The following GRM7 variants were observed in gnomAD, a reference collection of about 807,000 sequenced individuals.
GRM7 encodes metabotropic glutamate receptor 7.
GRM7 carries 35 observed loss-of-function variants against 84.5 expected under a neutral mutation model. The ratio of observed to expected loss-of-function variants is 0.41; its 90% CI spans 0.32 to 0.55. The LOEUF (loss-of-function observed/expected upper bound fraction) is 0.55, where lower values mean the gene tolerates loss of function less well. Ranked by LOEUF, GRM7 falls within the 20% of genes least tolerant of loss-of-function variation. The pLI, the probability that GRM7 is intolerant of heterozygous loss-of-function variation, is 0.19. For synonymous variants in GRM7, 487 were observed against 455.1 expected (o/e 1.07, Z -0.89); for missense variants, 1,003 against 1,194.6 (o/e 0.84, Z 2.36).
At chr3:7,000,682 G>A (rs1694983783) in intron 1 of GRM7, among the ~76,000 whole-genome samples, 1 of 152,176 alleles carries the variant, frequency 6.6e-6, no homozygotes, top group South Asian at 2.1e-4. Context: ...ATGTCAGCAT[G>A]TGTGGACTGA....
At chr3:6,933,768 TA>T (rs1443480618) in intron 1 of GRM7, among the ~76,000 whole-genome samples, 1 of 137,242 alleles carries the variant, frequency 7.3e-6, no homozygotes, top group Non-Finnish European at 1.7e-5. Context: ...CATTGCCAGT[TA>T]TTCTGAGTCA....
intron 4 of GRM7, among the ~76,000 whole-genome samples, chr3:7,329,099 A>G (rs1366735094): frequency 6.6e-6 from 1 of 151,510 alleles, no homozygotes; most frequent in Non-Finnish European, 1.5e-5. Flanking sequence ...CTGTGACATT[A>G]GTGTTAATCA....
intron 1 of GRM7, among the ~76,000 whole-genome samples, chr3:7,077,854 T>A (rs1698147306): frequency 6.6e-6 from 1 of 152,184 alleles, no homozygotes; most frequent in Non-Finnish European, 1.5e-5. Flanking sequence ...CCATACCACT[T>A]TATATATGGC....
intron 1 of GRM7, among the ~76,000 whole-genome samples, chr3:7,001,378 GCTAT>G (rs1238934531): frequency 2.6e-5 from 4 of 152,142 alleles, no homozygotes; most frequent in South Asian, 2.1e-4. Context: ...AAAAATAAAG[GCTAT>G]CTGTTTGTGC....
intron 7 of GRM7, among the ~76,000 whole-genome samples, chr3:7,545,749 G>T (rs532389748): frequency 1.3e-5 from 2 of 152,098 alleles, no homozygotes; most frequent in Admixed American, 1.3e-4. Context: ...GGTCTGGAAA[G>T]GTTCTATTTC....
At chr3:7,299,001 G>T (rs577455889) in intron 3 of GRM7, among the ~76,000 whole-genome samples, 176 bp downstream of exon 3, 1 of 152,100 alleles carries the variant, frequency 6.6e-6, no homozygotes, top group South Asian at 2.1e-4. Flanking sequence ...TTATGGTCAC[G>T]TGTTTTCCCT....
intron 2 of GRM7, among the ~76,000 whole-genome samples, chr3:7,295,085 C>T (rs1376023596): frequency 6.6e-6 from 1 of 152,108 alleles, no homozygotes; most frequent in Non-Finnish European, 1.5e-5. Context: ...ATTGCCAAAC[C>T]CAAGGTCATA....
intron 1 of GRM7, among the ~76,000 whole-genome samples, chr3:6,893,347 A>G (rs930295365): frequency 6.6e-6 from 1 of 152,210 alleles, no homozygotes; most frequent in Non-Finnish European, 1.5e-5. Flanking sequence ...AATATAAAGT[A>G]AATTACTTTA....
At chr3:7,659,178 C>A (rs1208493157) in intron 8 of GRM7, among the ~76,000 whole-genome samples, 1 of 152,098 alleles carries the variant, frequency 6.6e-6, no homozygotes, top group Non-Finnish European at 1.5e-5. Flanking sequence ...GAAAATGTTC[C>A]CCATGAGCAG....
At chr3:6,886,068 C>G (rs889726446) in intron 1 of GRM7, among the ~76,000 whole-genome samples, 1 of 150,796 alleles carries the variant, frequency 6.6e-6, no homozygotes, top group South Asian at 2.1e-4. Flanking sequence ...AAATAATTAG[C>G]ACATCTATTG....
chr3:6,916,817 A>T (rs1696956959), intron 1 of GRM7, among the ~76,000 whole-genome samples: 1 of 152,100 alleles, frequency 6.6e-6, no homozygotes, highest in South Asian at 2.1e-4. Flanking sequence ...TTTCATTCAG[A>T]ACCTACTATG....
intron 4 of GRM7, among the ~76,000 whole-genome samples, chr3:7,315,869 A>G (rs745723344): frequency 1.3e-5 from 2 of 152,188 alleles, no homozygotes; most frequent in African/African-American, 4.8e-5. Flanking sequence ...GTGGAGGGAC[A>G]GGAGCTTGGA....
intron 5 of GRM7, among the ~76,000 whole-genome samples, chr3:7,437,710 C>T (rs1697116737): frequency 6.6e-6 from 1 of 151,732 alleles, no homozygotes; most frequent in South Asian, 2.1e-4. Context: ...TTTTCTTTCT[C>T]TTCGTGTGTT....
At chr3:7,182,246 G>T (rs1206786466) in intron 2 of GRM7, among the ~76,000 whole-genome samples, 1 of 152,178 alleles carries the variant, frequency 6.6e-6, no homozygotes, top group South Asian at 2.1e-4. Context: ...AAATAAAAGA[G>T]TATCCTAATG....
intron 1 of GRM7, among the ~76,000 whole-genome samples, chr3:6,942,683 C>G (rs1169816536): frequency 6.6e-6 from 1 of 152,030 alleles, no homozygotes; most frequent in Non-Finnish European, 1.5e-5. Flanking sequence ...AAAATTAAAG[C>G]TACTATGAAT....
At chr3:7,667,597 A>C (rs1239935493) in intron 8 of GRM7, among the ~76,000 whole-genome samples, 2 of 152,206 alleles carry the variant, frequency 1.3e-5, no homozygotes, top group Non-Finnish European at 2.9e-5. Flanking sequence ...AGTCAGATGA[A>C]GCAATAGAAC....
At chr3:7,245,527 G>T (rs1356813188) in intron 2 of GRM7, among the ~76,000 whole-genome samples, 1 of 151,924 alleles carries the variant, frequency 6.6e-6, no homozygotes, top group Non-Finnish European at 1.5e-5. Flanking sequence ...AGAAAAAGGA[G>T]AAGGAAACAA....
Position 7,559,531 on chromosome 3 carries a change from T to G in GRM7, c.1516-18891T>G, listed in dbSNP as rs570479126. Among the ~76,000 whole-genome samples, 8 of 152,180 alleles carry G rather than the reference T, an allele frequency of 5.3e-5. 1 individual carries two copies. The highest frequency in any genetic ancestry group is 1.9e-4 in the African/African-American group (8 of 41,542). ...TCACTGACCAATAAAATGATAACCC[T>G]TCTGAGAGAATCTTGGTATGGATGT... On this transcript the variant is annotated intron_variant, in intron 7 of 9. Coordinates refer to ENST00000357716, the MANE Select transcript of GRM7 (RefSeq NM_000844.4).
chr3:7,631,158 C>T (rs1323168272), intron 8 of GRM7, among the ~76,000 whole-genome samples: 1 of 152,214 alleles, frequency 6.6e-6, no homozygotes. Context: ...TCCAGTGATA[C>T]TGCTGCTCCA....
Sources: allele counts gnomAD v4.1 joint callset (sites outside exome capture counted in the v4.1 genomes callset), GRCh38; gene constraint gnomAD v4.1.1; transcripts MANE v1.5; gene names NCBI Gene and HGNC (gene_info 2026-07-23, HGNC 2026-07-21).